Variants in ATOSA observed in about 807,000 individuals in gnomAD.
ATOSA encodes the protein atos homolog A.
chr15:52,613,551 TTTATGA>T, the ATOSA span: 10 of 1,220,034 alleles, frequency 8.2e-6, no homozygotes, highest in Non-Finnish European at 1.1e-5. Flanking sequence ...ATTTTTTCCC[TTTATGA>T]TTATGATCAA....
chr15:52,709,422 C>A, the ATOSA span, among the ~76,000 whole-genome samples: 1 of 152,092 alleles, frequency 6.6e-6, no homozygotes, highest in Non-Finnish European at 1.5e-5. Flanking sequence ...GAACTTTACC[C>A]CAAAGCTCTA....
chr15:52,683,170 A>T, the ATOSA span, among the ~76,000 whole-genome samples: 1 of 152,176 alleles, frequency 6.6e-6, no homozygotes, highest in Non-Finnish European at 1.5e-5. Context: ...AAAGAATAAT[A>T]ATGGCCGTTT....
chr15:52,691,942 C>T, the ATOSA span, among the ~76,000 whole-genome samples: 1 of 152,108 alleles, frequency 6.6e-6, no homozygotes, highest in Non-Finnish European at 1.5e-5. Flanking sequence ...GAAAGTTCTA[C>T]TAAACCATCA....
chr15:52,633,449 T>C, the ATOSA span, among the ~76,000 whole-genome samples: 1 of 152,146 alleles, frequency 6.6e-6, no homozygotes, highest in Non-Finnish European at 1.5e-5. Flanking sequence ...CACCTTACTG[T>C]CTGGAGCAAG....
chr15:52,658,759 G>A, the ATOSA span: 3 of 202,724 alleles, frequency 1.5e-5, no homozygotes, highest in Non-Finnish European at 2.5e-5. Context: ...GAGGACATGA[G>A]TTTAAGACCA....
chr15:52,597,743 C>T, the ATOSA span, among the ~76,000 whole-genome samples: 4 of 152,114 alleles, frequency 2.6e-5, no homozygotes, highest in Admixed American at 6.6e-5. Flanking sequence ...CAGGGGTGTC[C>T]AATCTTTTGG....
chr15:52,696,390 G>C, the ATOSA span, among the ~76,000 whole-genome samples: 1 of 152,084 alleles, frequency 6.6e-6, no homozygotes, highest in Non-Finnish European at 1.5e-5. Flanking sequence ...CTGGATCATT[G>C]AAACAGCCTC....
chr15:52,664,086 C>T, the ATOSA span, among the ~76,000 whole-genome samples: 1 of 152,150 alleles, frequency 6.6e-6, no homozygotes, highest in African/African-American at 2.4e-5. Flanking sequence ...CAAAGGAAAT[C>T]GATGCCAGAG....
chr15:52,648,205 C>G, the ATOSA span, among the ~76,000 whole-genome samples: 3 of 151,906 alleles, frequency 2.0e-5, no homozygotes, highest in Non-Finnish European at 4.4e-5. Flanking sequence ...CATTTAAATC[C>G]CACAATCATC....
At chr15:52,647,365 A>T in the ATOSA span, among the ~76,000 whole-genome samples, 8 of 152,250 alleles carry the variant, frequency 5.3e-5, no homozygotes, top group African/African-American at 1.7e-4. Flanking sequence ...TACTGTGGTC[A>T]GTTGAAAGAA....
At chr15:52,632,175 T>C in the ATOSA span, among the ~76,000 whole-genome samples, 2 of 152,240 alleles carry the variant, frequency 1.3e-5, no homozygotes, top group African/African-American at 4.8e-5. Flanking sequence ...TTCATGATAC[T>C]GTTCAAAAGT....
chr15:52,601,170 G>T, the ATOSA span: 1 of 1,514,840 alleles, frequency 6.6e-7, no homozygotes, highest in African/African-American at 1.4e-5. Context: ...AGGAACCTAA[G>T]GTCAAAACGA....
chr15:52,598,056 G>A, the ATOSA span, among the ~76,000 whole-genome samples: 4 of 152,066 alleles, frequency 2.6e-5, no homozygotes, highest in African/African-American at 7.2e-5. Flanking sequence ...CCCAGGAGGC[G>A]GAGGTTGCAG....
the ATOSA span, among the ~76,000 whole-genome samples, chr15:52,615,878 C>T: frequency 6.6e-6 from 1 of 152,182 alleles, no homozygotes; most frequent in Non-Finnish European, 1.5e-5. Context: ...AAGGTGAGGA[C>T]TATTACTTCT....
chr15:52,678,327 C>T, the ATOSA span: 1 of 555,412 alleles, frequency 1.8e-6, no homozygotes, highest in Non-Finnish European at 3.2e-6. Context: ...GCTCTCCAGG[C>T]CAATGTGTCC....
chr15:52,662,965 G>A, the ATOSA span, among the ~76,000 whole-genome samples: 8 of 152,078 alleles, frequency 5.3e-5, no homozygotes, highest in African/African-American at 1.9e-4. Context: ...AACAGCGGGC[G>A]ATAATGTAAT....
chr15:52,639,353 T>G, the ATOSA span, among the ~76,000 whole-genome samples: 2 of 152,216 alleles, frequency 1.3e-5, no homozygotes, highest in African/African-American at 4.8e-5. Context: ...ACAATAACCT[T>G]GTTTCTCATA....
chr15:52,617,586 G>A, the ATOSA span, among the ~76,000 whole-genome samples: 2 of 151,890 alleles, frequency 1.3e-5, no homozygotes, highest in South Asian at 2.1e-4. Context: ...AAAATTCAGA[G>A]AGTAAGACAA....
chr15:52,705,080 A>G, the ATOSA span, among the ~76,000 whole-genome samples: 1 of 152,344 alleles, frequency 6.6e-6, no homozygotes, highest in East Asian at 1.9e-4. Flanking sequence ...CACTATTCAC[A>G]ATAGCAAAGA....
Sources: allele counts gnomAD v4.1 joint callset (sites outside exome capture counted in the v4.1 genomes callset), GRCh38; gene constraint gnomAD v4.1.1; transcripts MANE v1.5; gene names NCBI Gene and HGNC (gene_info 2026-07-23, HGNC 2026-07-21).